The following SENP6 variants were observed in gnomAD, a reference collection of about 807,000 sequenced individuals.
SENP6 encodes the protein sentrin-specific protease 6.
A neutral mutation model predicts 134.5 loss-of-function variants in SENP6; 41 were observed. That is an observed-to-expected ratio of 0.30 (90% CI 0.24 to 0.40). The LOEUF is 0.40. Among genes scored for constraint, SENP6 ranks in the 10% least tolerant of loss-of-function variants. The pLI is 1.00. For synonymous variants in SENP6, 395 were observed against 429.8 expected, an observed-to-expected ratio of 0.92 and a Z score of 1.00; for missense variants, 1,248 against 1,312.5, an observed-to-expected ratio of 0.95 and a Z score of 0.76.
chr6:75,633,274 A>G (rs1769247927), intron 3 of SENP6, among the ~76,000 whole-genome samples: 15 of 152,174 alleles, frequency 9.9e-5, no homozygotes, highest in Admixed American at 9.8e-4. Flanking sequence ...AGCAGGGGAA[A>G]TGCTTACTTT....
chr6:75,699,338 C>CTTGTTT (rs1384114261), intron 18 of SENP6, among the ~76,000 whole-genome samples: 133 of 105,530 alleles, frequency 1.3e-3, no homozygotes, highest in African/African-American at 5.1e-3. Flanking sequence ...ATCAAGAGAG[C>CTTGTTT]TTGTTTTTGT....
intron 6 of SENP6, chr6:75,644,183 C>CTT (rs1770244311): frequency 6.6e-6 from 1 of 151,766 alleles, no homozygotes; most frequent in African/African-American, 2.4e-5. Flanking sequence ...TTCTTGTAAA[C>CTT]TGTGTATGTT....
At position 75,665,950 on chromosome 6, in the gene SENP6, C is replaced by T. The variant is rs141404218; in HGVS notation, c.995-762C>T. Among the ~76,000 whole-genome samples, 1,440 of 151,344 alleles carry T rather than the reference C, an allele frequency of 9.5e-3. 17 individuals are homozygous for T. The highest frequency in any genetic ancestry group is 0.032 in the African/African-American group (1,332 of 41,204). The stretch of plus-strand genomic sequence containing the variant: ...GCTGAGGCAGGAGAATCACTTGAAC[C>T]CAGGAGGCGGAGTTGCAGTGAGACA... On this transcript the variant is annotated intron_variant, in intron 9 of 23. Transcript: ENST00000447266.
chr6:75,622,700 A>T, intron 2 of SENP6: 1 of 929,700 alleles, frequency 1.1e-6, no homozygotes, highest in Non-Finnish European at 1.5e-6. Flanking sequence ...AATATGTTAA[A>T]GAAATTTTTA....
At chr6:75,659,231 C>CT (rs1771586175) in intron 7 of SENP6, 31 bp from the exon 8 acceptor site, 1 of 1,536,346 alleles carries the variant, frequency 6.5e-7, no homozygotes, top group Non-Finnish European at 8.8e-7. Flanking sequence ...TTAACTAAAA[C>CT]TTAAAGTTTA....
At chr6:75,604,830 T>A (rs1766909874) in intron 1 of SENP6, among the ~76,000 whole-genome samples, 1 of 151,964 alleles carries the variant, frequency 6.6e-6, no homozygotes, top group African/African-American at 2.4e-5. Flanking sequence ...CCCAACAATT[T>A]GGGAGGCCGA....
rs775999966 is a variant in SENP6 at position 75,677,102 on chromosome 6, G to A, written c.1694G>A (p.Ser565Asn). 1.8e-5 allele frequency: 29 copies of A among 1,608,238 alleles called. No individual in the cohort carries two copies. The East Asian group carries it at 6.5e-4, about 36-fold the overall frequency. The change falls in exon 14 of 24, where the codon AGT becomes AAT. Residue 565 changes from serine (S) to asparagine (N), a missense_variant. This residue lies in a region of SENP6 where 733 missense variants were observed against 725.4 expected (regional missense o/e 1.01). Coordinates refer to ENST00000447266, the MANE Select transcript of SENP6 (RefSeq NM_015571.4). Reference sequence around the variant, plus strand: ...CCTCCGGCAAATATGGTATTTGAAAGTATCATTAATGAAATTGGTATAAAG... The same window carrying A: ...CCTCCGGCAAATATGGTATTTGAAAATATCATTAATGAAATTGGTATAAAG... ...LDPPANMVFE[S>N]IINEIGIKNN...
chr6:75,679,162 C>T (rs543562889), intron 16 of SENP6: 446 of 348,426 alleles, frequency 1.3e-3, no homozygotes, highest in Non-Finnish European at 1.9e-3. Context: ...GTCTATAATC[C>T]TGACACTTTG....
intron 18 of SENP6, among the ~76,000 whole-genome samples, chr6:75,701,802 G>C (rs1775052894): frequency 6.6e-6 from 1 of 151,946 alleles, no homozygotes; most frequent in Non-Finnish European, 1.5e-5. Flanking sequence ...ACCACGCCCA[G>C]CTAATTTTCT....
chr6:75,670,565 A>G lies in SENP6; in HGVS notation c.1237A>G (p.Ile413Val), dbSNP rs1772590306. 1 of 1,603,858 alleles carries G rather than the reference A, an allele frequency of 6.2e-7. No homozygotes were observed. Among genetic ancestry groups the G allele is most frequent in the South Asian group, 1.1e-5 (1 of 89,864 alleles). The change falls in exon 11 of 24, where the codon ATT becomes GTT. Residue 413 changes from isoleucine to valine, a missense_variant. By Grantham distance (29) the Ile-to-Val change is conservative (BLOSUM62 3). This residue lies in a region of SENP6 where 733 missense variants were observed against 725.4 expected (regional missense o/e 1.01). Transcript: ENST00000447266. ...TTTTCCTTTTTAGTTTGGCAATTCT[A>G]TTATCAACACACCTCTGAAACGTCG... Reference protein sequence around the residue: ...ARMKDQFGNSIINTPLKRRKV... With the variant: ...ARMKDQFGNSVINTPLKRRKV...
intron 8 of SENP6, among the ~76,000 whole-genome samples, chr6:75,661,329 T>C (rs1242439846): frequency 6.6e-6 from 1 of 152,228 alleles, no homozygotes; most frequent in African/African-American, 2.4e-5. Flanking sequence ...CAACCTAAGT[T>C]TGGCTCAGGC....
At chr6:75,654,723 T>G (rs527328371) in intron 7 of SENP6, among the ~76,000 whole-genome samples, 9 of 152,330 alleles carry the variant, frequency 5.9e-5, no homozygotes, top group Admixed American at 4.6e-4. Flanking sequence ...GGTACTTATT[T>G]TTCAGCGTAT....
intron 5 of SENP6, among the ~76,000 whole-genome samples, chr6:75,638,278 G>A (rs1354199994): frequency 6.8e-6 from 1 of 146,702 alleles, no homozygotes; most frequent in African/African-American, 2.5e-5. Context: ...CACAGTTATA[G>A]TACTAATTGA....
chr6:75,617,495 C>T (rs1026538375), intron 1 of SENP6, among the ~76,000 whole-genome samples: 1 of 151,972 alleles, frequency 6.6e-6, no homozygotes, highest in Non-Finnish European at 1.5e-5. Context: ...TGGTCTCAAA[C>T]TCCCGACCTC....
At chr6:75,608,026 T>G (rs1767155696) in intron 1 of SENP6, among the ~76,000 whole-genome samples, 1 of 152,214 alleles carries the variant, frequency 6.6e-6, no homozygotes, top group African/African-American at 2.4e-5. Flanking sequence ...GGAAACTACA[T>G]CATGGTGTCA....
intron 21 of SENP6, among the ~76,000 whole-genome samples, chr6:75,712,150 A>T (rs1290367671): frequency 3.3e-5 from 5 of 152,162 alleles, no homozygotes; most frequent in Non-Finnish European, 1.5e-5. Flanking sequence ...GAGAACTCCA[A>T]ATAAGGGTGA....
intron 8 of SENP6, among the ~76,000 whole-genome samples, chr6:75,660,413 A>G (rs1316823720): frequency 2.0e-5 from 3 of 152,164 alleles, no homozygotes; most frequent in Non-Finnish European, 4.4e-5. Flanking sequence ...CATTTATATC[A>G]GCATGTACAT....
chr6:75,691,143 AT>A lies in SENP6; in HGVS notation c.2076-4646del, dbSNP rs36048279. 7.1e-4 allele frequency among the ~76,000 whole-genome samples: 100 copies of A among 141,384 alleles called. 1 individual carries two copies. The highest frequency in any genetic ancestry group is 1.6e-3 in the South Asian group (7 of 4,460). 92.8% of individuals were successfully genotyped at this position (141,384 alleles called of 152,430 possible). On this transcript the variant is annotated intron_variant, in intron 16 of 23. Transcript: ENST00000447266. ...CAGGCGATTACCATTCCCAGCTAAA[AT>A]TTTTTTTTTTTTTTCAAAGACAGAT...
chr6:75,712,160 A>G (rs1775787648), intron 21 of SENP6, among the ~76,000 whole-genome samples: 1 of 152,196 alleles, frequency 6.6e-6, no homozygotes, highest in South Asian at 2.1e-4. Context: ...AATAAGGGTG[A>G]GTCAGTTTTG....
Sources: gnomAD v4.1 joint callset for allele counts (sites outside exome capture counted in the v4.1 genomes callset) on GRCh38, gnomAD v4.1.1 for gene constraint, gnomAD v4.1.1 regional missense constraint, MANE v1.5 for transcripts, NCBI Gene and HGNC (gene_info 2026-07-23, HGNC 2026-07-21) for gene names.